Variants in SMIM8 observed in about 807,000 individuals in gnomAD.
The protein encoded by SMIM8 is UPF0708 protein C6orf162.
Under a neutral mutation model 8.1 loss-of-function variants are expected in SMIM8, and 8 were observed. The observed-to-expected ratio is 0.99, with a 90% CI of 0.58 to 1.78. The LOEUF is 1.78. Among genes scored for constraint, SMIM8 ranks in the 40% most tolerant of loss-of-function variants. The pLI is 0.00. For missense variants in SMIM8, 126 were observed against 119.8 expected (o/e 1.05, Z -0.24); for synonymous variants, 45 against 39.7 (o/e 1.13, Z -0.50).
At chr6:87,332,230 T>G (rs919167826) in intron 2 of SMIM8, among the ~76,000 whole-genome samples, 1 of 151,636 alleles carries the variant, frequency 6.6e-6, no homozygotes, top group Non-Finnish European at 1.5e-5. Flanking sequence ...ACACTCAGCA[T>G]CACTGCATCC....
chr6:87,331,590 A>G (rs976311385), intron 2 of SMIM8, among the ~76,000 whole-genome samples: 1 of 152,228 alleles, frequency 6.6e-6, no homozygotes, highest in African/African-American at 2.4e-5. Context: ...TCTCGTATGT[A>G]GAAAAGATTT....
At chr6:87,334,645 AC>A in intron 2 of SMIM8, among the ~76,000 whole-genome samples, 1 of 152,298 alleles carries the variant, frequency 6.6e-6, no homozygotes, top group South Asian at 2.1e-4. Flanking sequence ...TGTTCTTGTT[AC>A]CTTATCATAT....
At chr6:87,336,457 ACAAAC>A (rs1361691718) in intron 2 of SMIM8, among the ~76,000 whole-genome samples, 1 of 152,230 alleles carries the variant, frequency 6.6e-6, no homozygotes, top group Non-Finnish European at 1.5e-5. Context: ...AAGAGTAAGT[ACAAAC>A]AGCTCCTTAT....
chr6:87,333,547 A>G (rs1777038534), intron 2 of SMIM8, among the ~76,000 whole-genome samples: 1 of 152,220 alleles, frequency 6.6e-6, no homozygotes, highest in Non-Finnish European at 1.5e-5. Flanking sequence ...AGAAAAATGA[A>G]ACACCAGCAG....
At chr6:87,338,987 T>A (rs1029675475) in intron 3 of SMIM8, among the ~76,000 whole-genome samples, 1 of 144,878 alleles carries the variant, frequency 6.9e-6, no homozygotes, top group African/African-American at 2.6e-5. Context: ...GGTAGAGGGA[T>A]CTCTTGAGGC....
intron 2 of SMIM8, 78 bp from the exon 3 acceptor site, chr6:87,336,931 A>C (rs1777124806): frequency 8.2e-7 from 1 of 1,216,812 alleles, no homozygotes. Flanking sequence ...CAAAGAAGGA[A>C]TTTAAGAATT....
intron 2 of SMIM8, among the ~76,000 whole-genome samples, chr6:87,331,930 C>A (rs1344635536): frequency 6.6e-6 from 1 of 152,082 alleles, no homozygotes; most frequent in East Asian, 1.9e-4. Context: ...TATATTAAAT[C>A]TTTTAAAAAT....
At chr6:87,328,066 A>G (rs1372489875) in intron 1 of SMIM8, among the ~76,000 whole-genome samples, 1 of 152,136 alleles carries the variant, frequency 6.6e-6, no homozygotes, top group African/African-American at 2.4e-5. Flanking sequence ...AGGCTTCTGC[A>G]TTCTTCACGT....
chr6:87,335,883 G>T (rs1026778879), intron 2 of SMIM8, among the ~76,000 whole-genome samples: 5 of 148,316 alleles, frequency 3.4e-5, no homozygotes, highest in Non-Finnish European at 5.9e-5. Flanking sequence ...CAGGTGTGGT[G>T]CATGCCTGTA....
intron 3 of SMIM8, among the ~76,000 whole-genome samples, chr6:87,339,430 GTGTGTT>G (rs1247736835): frequency 1.1e-4 from 15 of 134,560 alleles, no homozygotes; most frequent in South Asian, 4.5e-4. Flanking sequence ...GTGTGTGTGT[GTGTGTT>G]TGTGTGTGTG....
In SMIM8 at chr6:87,340,191, C is replaced by A; in HGVS notation, c.211C>A (p.Gln71Lys). 3 of 1,610,374 alleles carry A rather than the reference C, an allele frequency of 1.9e-6. No homozygotes were observed. The highest frequency in any genetic ancestry group is 1.7e-6 in the Non-Finnish European group (2 of 1,178,682). ...ATATATTGGTTATCTACATGCAATA[C>A]AAGAGAATAAAAAGGACCTCTATGA... ...VAYIGYLHAIQENKKDLYEAI... is the reference protein window; with the variant it reads ...VAYIGYLHAIKENKKDLYEAI... Residue 71 changes from glutamine to lysine, a missense_variant, in exon 4 of 4, where the codon CAA becomes AAA. By Grantham distance (53) the Gln-to-Lys change is moderately conservative (BLOSUM62 1). Coordinates refer to ENST00000392863, the MANE Select transcript of SMIM8 (RefSeq NM_001042493.3).
intron 2 of SMIM8, among the ~76,000 whole-genome samples, chr6:87,333,524 C>G (rs118093883): frequency 6.6e-6 from 1 of 152,042 alleles, no homozygotes; most frequent in Non-Finnish European, 1.5e-5. Context: ...TAAACACCAT[C>G]GTGGCTAAGA....
chr6:87,332,344 A>ATATATATATATATATATATATATATAT (rs1490339070), intron 2 of SMIM8, among the ~76,000 whole-genome samples: 2 of 143,332 alleles, frequency 1.4e-5, no homozygotes, highest in Admixed American at 6.9e-5. Context: ...TATATATATA[A>ATATATATATATATATATATATATATAT]ATGACAGCAG....
At position 87,341,025 on chromosome 6, in the gene SMIM8, A is replaced by G. The variant is rs1063309; in HGVS notation, c.*751A>G. ...ATCTATTTTAGTGTTTATGTTAATT[A>G]ATGTTAATTAATTTTGTTTATGTTA... On this transcript the variant is annotated 3_prime_UTR_variant, in exon 4 of 4. Transcript: ENST00000392863. 37,474 of 340,192 alleles carry G rather than the reference A, an allele frequency of 0.11. 2,193 individuals carry two copies. The highest frequency in any genetic ancestry group is 0.12 in the South Asian group (763 of 6,512). 21.1% of individuals were successfully genotyped at this position (340,192 alleles called of 1,614,324 possible).
chr6:87,342,178 GAT>G lies in SMIM8; in HGVS notation c.*1906_*1907del, dbSNP rs1363068910. On this transcript the variant is annotated 3_prime_UTR_variant, in exon 4 of 4. Coordinates refer to ENST00000392863, the MANE Select transcript of SMIM8 (RefSeq NM_001042493.3). ...ATTTTAGGAACAAGTACCTGACTAT[GAT>G]ACTTTTTACAGAGTGACTACAAGTT... 2 of 152,222 alleles carry G rather than the reference GAT, an allele frequency of 1.3e-5. No homozygotes were observed. The highest frequency in any genetic ancestry group is 2.4e-5 in the African/African-American group (1 of 41,462). The allele number at this position is 152,222 out of a possible 1,614,324, so 9.4% of individuals were successfully genotyped here. A position where few individuals can be genotyped will look rare whatever the true frequency, so the allele number is the denominator to read the frequency against.
chr6:87,340,053 A>G, intron 3 of SMIM8, 63 bp from the exon 4 acceptor site: 1 of 1,374,484 alleles, frequency 7.3e-7, no homozygotes, highest in Non-Finnish European at 9.6e-7. Flanking sequence ...AGTGCAACCG[A>G]TATTTGGGTC....
At chr6:87,333,327 C>A (rs934525081) in intron 2 of SMIM8, among the ~76,000 whole-genome samples, 1 of 152,184 alleles carries the variant, frequency 6.6e-6, no homozygotes, top group Non-Finnish European at 1.5e-5. Context: ...GACCCAAACA[C>A]CTCCCACTAG....
chr6:87,341,002 C>G lies in SMIM8; in HGVS notation c.*728C>G, dbSNP rs1038755102. On this transcript the variant is annotated 3_prime_UTR_variant, in exon 4 of 4. Transcript: ENST00000392863. ...GATTTTGACTACAACTAAATGTTATCTATTTTAGTGTTTATGTTAATTAAT... is the reference window on the plus strand; with the variant it reads ...GATTTTGACTACAACTAAATGTTATGTATTTTAGTGTTTATGTTAATTAAT... 7.1e-6 allele frequency: 2 copies of G among 283,198 alleles called. No homozygotes were observed. Among genetic ancestry groups the G allele is most frequent in the African/African-American group, 2.2e-5 (1 of 44,970 alleles). The allele number at this position is 283,198 out of a possible 1,614,324, so 17.5% of individuals were successfully genotyped here. A position where few individuals can be genotyped will look rare whatever the true frequency, so the allele number is the denominator to read the frequency against.
At chr6:87,329,808 C>T (rs1009390301) in intron 1 of SMIM8, among the ~76,000 whole-genome samples, 4 of 152,068 alleles carry the variant, frequency 2.6e-5, no homozygotes, top group African/African-American at 9.7e-5. Context: ...GTAAGGACAT[C>T]TCCTTGGGTC....
Sources: allele counts gnomAD v4.1 joint callset (sites outside exome capture counted in the v4.1 genomes callset), GRCh38; gene constraint gnomAD v4.1.1; transcripts MANE v1.5; gene names NCBI Gene and HGNC (gene_info 2026-07-23, HGNC 2026-07-21).